Variants in DOCK1 observed in about 807,000 individuals in gnomAD.
DOCK1 encodes dedicator of cytokinesis 1.
In DOCK1, 138 loss-of-function variants were observed where a neutral mutation model predicts 262.7. The ratio of observed to expected loss-of-function variants is 0.53; its 90% CI spans 0.46 to 0.61. The LOEUF is 0.61. Ranked by LOEUF, DOCK1 falls within the 20% of genes least tolerant of loss-of-function variation. The pLI is 0.00. For synonymous variants in DOCK1, 866 were observed against 867.4 expected, an observed-to-expected ratio of 1.00 and a Z score of 0.03; for missense variants, 1,908 against 2,370.7, an observed-to-expected ratio of 0.80 and a Z score of 4.05.
intron 25 of DOCK1, among the ~76,000 whole-genome samples, chr10:127,110,779 A>G (rs2048818141): frequency 6.6e-6 from 1 of 152,178 alleles, no homozygotes; most frequent in African/African-American, 2.4e-5. Flanking sequence ...TTCAAATCCT[A>G]CTCAAAGTAA....
intron 49 of DOCK1, among the ~76,000 whole-genome samples, chr10:127,442,263 T>C (rs2070213574): frequency 1.3e-5 from 2 of 152,042 alleles, no homozygotes; most frequent in African/African-American, 4.8e-5. Flanking sequence ...CACAGCTGAC[T>C]CCTCCTGGGG....
chr10:127,152,849 A>T (rs946210022), intron 27 of DOCK1, among the ~76,000 whole-genome samples: 3 of 152,196 alleles, frequency 2.0e-5, no homozygotes, highest in African/African-American at 7.2e-5. Context: ...CAGGTGACCC[A>T]GCTTTGCTTT....
intron 27 of DOCK1, among the ~76,000 whole-genome samples, chr10:127,182,112 G>A (rs1467166886): frequency 6.6e-6 from 1 of 152,084 alleles, no homozygotes; most frequent in Non-Finnish European, 1.5e-5. Flanking sequence ...ACACGGAGAT[G>A]GCACGCCCCG....
At chr10:127,145,215 C>A (rs576883012) in intron 27 of DOCK1, among the ~76,000 whole-genome samples, 27 of 152,244 alleles carry the variant, frequency 1.8e-4, no homozygotes, top group African/African-American at 6.3e-4. Context: ...GTCAGAGAAC[C>A]TGGCATCCCA....
At chr10:126,930,705 A>G (rs2034123588) in intron 1 of DOCK1, among the ~76,000 whole-genome samples, 2 of 152,220 alleles carry the variant, frequency 1.3e-5, no homozygotes, top group Admixed American at 6.5e-5. Context: ...GGCCAAGGCA[A>G]GGTTTTGCCA....
chr10:127,356,839 G>A (rs575928767), intron 32 of DOCK1, among the ~76,000 whole-genome samples: 1 of 152,110 alleles, frequency 6.6e-6, no homozygotes, highest in Non-Finnish European at 1.5e-5. Context: ...CCTCCTAAAA[G>A]AGTGAGTCCA....
chr10:127,266,827 C>T (rs991106189), intron 29 of DOCK1, among the ~76,000 whole-genome samples: 1 of 152,204 alleles, frequency 6.6e-6, no homozygotes, highest in Non-Finnish European at 1.5e-5. Flanking sequence ...GAGCCTTCTT[C>T]CTCTCCAAGA....
chr10:127,273,609 C>T (rs117358794), intron 29 of DOCK1, among the ~76,000 whole-genome samples: 439 of 152,270 alleles, frequency 2.9e-3, no homozygotes, highest in African/African-American at 4.1e-3. Flanking sequence ...CAGCTGGGTG[C>T]GGTGGCTCAC....
At chr10:127,165,559 C>T (rs1400909304) in intron 27 of DOCK1, among the ~76,000 whole-genome samples, 1 of 152,138 alleles carries the variant, frequency 6.6e-6, no homozygotes, top group Non-Finnish European at 1.5e-5. Flanking sequence ...AATGTTCTTT[C>T]CAGCCTATCT....
chr10:126,985,071 C>A (rs1342261562), intron 4 of DOCK1, among the ~76,000 whole-genome samples: 1 of 147,602 alleles, frequency 6.8e-6, no homozygotes, highest in Non-Finnish European at 1.5e-5. Context: ...ACCTCTGCCT[C>A]CTGCGTTCAA....
chr10:127,440,334 A>T (rs1337385694), intron 49 of DOCK1, among the ~76,000 whole-genome samples: 1 of 152,090 alleles, frequency 6.6e-6, no homozygotes, highest in Non-Finnish European at 1.5e-5. Flanking sequence ...CAACATTTCA[A>T]CATGAGAGTT....
At chr10:126,992,793 C>G (rs1010266945) in intron 6 of DOCK1, among the ~76,000 whole-genome samples, 27 of 128,044 alleles carry the variant, frequency 2.1e-4, no homozygotes, top group African/African-American at 7.2e-4. Context: ...CACACAGACA[C>G]ACACACACAC....
chr10:127,241,460 G>T (rs1186818472), intron 27 of DOCK1, among the ~76,000 whole-genome samples: 1 of 151,902 alleles, frequency 6.6e-6, no homozygotes, highest in Non-Finnish European at 1.5e-5. Context: ...TTTTCACAAG[G>T]CCCAGTACTC....
chr10:127,441,538 G>A lies in DOCK1; in HGVS notation c.5259+2313G>A, dbSNP rs145707877. Among the ~76,000 whole-genome samples the A allele has an allele frequency of 1.5e-3, 224 of 152,334 alleles. 1 individual carries two copies. The highest frequency in any genetic ancestry group is 5.0e-3 in the African/African-American group (208 of 41,586). Reference sequence around the variant, plus strand: ...AGAGGGCACCTCCTCCAGGGGACGGGTGCCGGCAAGGTCTGTGAGGACAGT... The same window carrying A: ...AGAGGGCACCTCCTCCAGGGGACGGATGCCGGCAAGGTCTGTGAGGACAGT... On this transcript the variant is annotated intron_variant, in intron 49 of 51. Transcript: ENST00000623213.
At chr10:127,008,373 C>T (rs1300433851) in intron 10 of DOCK1, among the ~76,000 whole-genome samples, 1 of 152,210 alleles carries the variant, frequency 6.6e-6, no homozygotes, top group Non-Finnish European at 1.5e-5. Context: ...GCTGGGATTA[C>T]AGGTGTGAGC....
At chr10:127,235,873 A>G (rs879906580) in intron 27 of DOCK1, among the ~76,000 whole-genome samples, 3 of 152,044 alleles carry the variant, frequency 2.0e-5, no homozygotes, top group Non-Finnish European at 2.9e-5. Flanking sequence ...ATTGACTAGT[A>G]AGATAGACCA....
chr10:127,200,567 C>A (rs972980278), intron 27 of DOCK1, among the ~76,000 whole-genome samples: 4 of 152,148 alleles, frequency 2.6e-5, no homozygotes, highest in Non-Finnish European at 2.9e-5. Context: ...CCACGCCTGG[C>A]TGATTTTTTG....
chr10:127,220,561 C>G (rs954409355), intron 27 of DOCK1, among the ~76,000 whole-genome samples: 12 of 151,856 alleles, frequency 7.9e-5, no homozygotes, highest in African/African-American at 2.9e-4. Flanking sequence ...TACTGAGTGT[C>G]CTGGATTTTG....
chr10:126,995,134 A>G lies in DOCK1; in HGVS notation c.474-1614A>G, dbSNP rs1464121607. ...GATCCCAGACGATGGGCGGCCGGGCAGAGACGCTCCTCACTTCTAGACGGG... is the reference window on the plus strand; with the variant it reads ...GATCCCAGACGATGGGCGGCCGGGCGGAGACGCTCCTCACTTCTAGACGGG... On this transcript the variant is annotated intron_variant, in intron 6 of 51. Coordinates refer to ENST00000623213, the MANE Select transcript of DOCK1 (RefSeq NM_001290223.2). This position sits in a 1 kb window ranked among gnomAD's most constrained non-coding sequence, Gnocchi z 5.8. Among the ~76,000 whole-genome samples, 1 of 150,640 alleles carries G rather than the reference A, an allele frequency of 6.6e-6. No homozygotes were observed. The highest frequency in any genetic ancestry group is 2.5e-5 in the African/African-American group (1 of 40,806).
Sources: gnomAD v4.1 joint callset for allele counts (sites outside exome capture counted in the v4.1 genomes callset) on GRCh38, gnomAD v4.1.1 for gene constraint, Gnocchi (gnomAD v3.1) non-coding constraint, MANE v1.5 for transcripts, NCBI Gene and HGNC (gene_info 2026-07-23, HGNC 2026-07-21) for gene names.